POGK: variants seen among roughly 807,000 people sequenced by gnomAD.
POGK encodes the protein pogo transposable element with KRAB domain.
Under a neutral mutation model 54.4 loss-of-function variants are expected in POGK, and 16 were observed. The ratio of observed to expected loss-of-function variants is 0.29; its 90% CI spans 0.20 to 0.45. The LOEUF is 0.45. Ranked by LOEUF, POGK falls within the 20% of genes least tolerant of loss-of-function variation. The probability of loss-of-function intolerance (pLI) is 1.00; values close to 1 mark genes in which losing one functional copy is unlikely to be tolerated. For missense variants in POGK, 515 were observed against 795.6 expected (o/e 0.65, Z 4.24); for synonymous variants, 271 against 302.2 (o/e 0.90, Z 1.07).
In POGK at chr1:166,854,382, C is replaced by G. The variant is rs1230979805; in HGVS notation, c.*1812C>G. 6.6e-6 allele frequency: 1 copy of G among 152,542 alleles called. No homozygotes were observed. Among genetic ancestry groups the G allele is most frequent in the Non-Finnish European group, 1.5e-5 (1 of 68,028 alleles). The allele number at this position is 152,542 out of a possible 1,614,324, so 9.4% of individuals were successfully genotyped here. On this transcript the variant is annotated 3_prime_UTR_variant, in exon 6 of 6. Transcript: ENST00000367876. ...ACTATTTTGCAGAATGGCTGTTACC[C>G]TAGAATTACTATAGCACATATTGAG...
intron 2 of POGK, 130 bp from the exon 3 acceptor site, chr1:166,846,482 T>A: frequency 8.3e-7 from 1 of 1,211,276 alleles, no homozygotes. Context: ...CGTTTTCCCC[T>A]GGGTCAGGGT....
At chr1:166,841,334 T>A (rs985949661) in intron 2 of POGK, among the ~76,000 whole-genome samples, 3 of 152,244 alleles carry the variant, frequency 2.0e-5, no homozygotes, top group African/African-American at 7.2e-5. Flanking sequence ...AGCCAGGACC[T>A]TGTCTCTCTC....
intron 2 of POGK, among the ~76,000 whole-genome samples, chr1:166,844,815 T>C (rs1226325634): frequency 6.6e-6 from 1 of 151,806 alleles, no homozygotes; most frequent in Non-Finnish European, 1.5e-5. Context: ...GCCCCGGGAG[T>C]GTGGAGCCCA....
rs765504197 is a variant in POGK, at chr1:166,850,142, G to A, written c.1563G>A (p.Gln521=). Residue 521 remains glutamine, a synonymous_variant, in exon 5 of 6, where the codon CAG becomes CAA. Transcript: ENST00000367876. ...CACTGAATGACAGTGTGCGGGCCCA[G>A]TACTCCAACTGGCTTCTGGCTGGGA... is the stretch of plus-strand genomic sequence containing the variant. ...YKPLNDSVRA[Q]YSNWLLAGNL... 1.3e-6 allele frequency: 2 copies of A among 1,580,400 alleles called. No individual in the cohort carries two copies. The highest frequency in any genetic ancestry group is 8.6e-7 in the Non-Finnish European group (1 of 1,162,570).
At chr1:166,840,162 GA>G (rs1557896549) in intron 1 of POGK, 1 of 152,270 alleles carries the variant, frequency 6.6e-6, no homozygotes, top group Non-Finnish European at 1.5e-5. Context: ...CAGCCCTCAA[GA>G]TGCATCCGCA....
rs756278199 is a variant in POGK, at chr1:166,847,561, C to T, written c.327C>T (p.Asp109=). 4.2e-5 allele frequency: 67 copies of T among 1,613,748 alleles called. No homozygotes were observed. Among genetic ancestry groups the T allele is most frequent in the Middle Eastern group, 1.6e-4 (1 of 6,076 alleles). ...GGGAGGAGGAGTCTCAGAATTCTGA[C>T]GAGTGGCAGCTCCAAGGAGGCACCT... The part of the protein sequence containing the change: ...LEGEEESQNS[D]EWQLQGGTSA... Residue 109 remains aspartate (D), a synonymous_variant, in exon 4 of 6, where the codon GAC becomes GAT. Coordinates refer to ENST00000367876, the MANE Select transcript of POGK (RefSeq NM_017542.5).
At chr1:166,851,228 G>A (rs575122216) in intron 5 of POGK, 2 of 152,268 alleles carry the variant, frequency 1.3e-5, no homozygotes, top group South Asian at 2.1e-4. Context: ...TGTGACATAG[G>A]GAGAACACTA....
chr1:166,845,824 G>A (rs1265687598), intron 2 of POGK, among the ~76,000 whole-genome samples: 2 of 152,188 alleles, frequency 1.3e-5, no homozygotes, highest in African/African-American at 4.8e-5. Flanking sequence ...TTGGGCTACT[G>A]AGGAGCCCCC....
rs1350393517 is a variant in POGK at position 166,839,493 on chromosome 1, C to T, written c.-114C>T. 1.3e-5 allele frequency: 2 copies of T among 151,978 alleles called. No homozygotes were observed. Among genetic ancestry groups the T allele is most frequent in the Admixed American group, 6.5e-5 (1 of 15,274 alleles). 9.4% of individuals were successfully genotyped at this position (151,978 alleles called of 1,614,324 possible). A position where few individuals can be genotyped will look rare whatever the true frequency, so the allele number is the denominator to read the frequency against. ...TCCCACCACGTGTCCTCCCCGCTCC[C>T]TCCCGAGGGGCCGCGCGCACGGGAG... is the stretch of plus-strand genomic sequence containing the variant. On this transcript the variant is annotated 5_prime_UTR_variant, in exon 1 of 6. Coordinates refer to ENST00000367876, the MANE Select transcript of POGK (RefSeq NM_017542.5).
At chr1:166,848,829 T>C in intron 4 of POGK, 109 bp from the exon 5 acceptor site, 1 of 1,393,872 alleles carries the variant, frequency 7.2e-7, no homozygotes, top group Admixed American at 2.3e-5. Flanking sequence ...GTTACTACTT[T>C]TGGTGAACTT....
rs1208450933 is a variant in POGK at position 166,855,151 on chromosome 1, T to G, written c.*2581T>G. Reference sequence around the variant, plus strand: ...ACTTGTACCTCTGAACCTAAAATGTTTTTTTTTTAATTCAGAACAACAAAA... The same window carrying G: ...ACTTGTACCTCTGAACCTAAAATGTGTTTTTTTTAATTCAGAACAACAAAA... On this transcript the variant is annotated 3_prime_UTR_variant, in exon 6 of 6. Coordinates refer to ENST00000367876, the MANE Select transcript of POGK (RefSeq NM_017542.5). 6.6e-6 allele frequency: 1 copy of G among 151,540 alleles called. No homozygotes were observed. Among genetic ancestry groups the G allele is most frequent in the Non-Finnish European group, 1.5e-5 (1 of 67,840 alleles). 9.4% of individuals were successfully genotyped at this position (151,540 alleles called of 1,614,324 possible). A position where few individuals can be genotyped will look rare whatever the true frequency, so the allele number is the denominator to read the frequency against.
intron 2 of POGK, among the ~76,000 whole-genome samples, chr1:166,842,903 G>A (rs975024919): frequency 6.6e-6 from 1 of 152,052 alleles, no homozygotes; most frequent in Admixed American, 6.6e-5. Context: ...TGTCAGTTGT[G>A]CTGAGGTTGA....
At chr1:166,841,936 A>G (rs1657532136) in intron 2 of POGK, among the ~76,000 whole-genome samples, 12 of 152,082 alleles carry the variant, frequency 7.9e-5, no homozygotes, top group Admixed American at 7.9e-4. Flanking sequence ...TTGTTCTTCA[A>G]AACAGGTCTC....
rs187636380 is a variant in POGK, at chr1:166,854,063, T to G, written c.*1493T>G. On this transcript the variant is annotated 3_prime_UTR_variant, in exon 6 of 6. Transcript: ENST00000367876. ...TTTCATCTGTCCTAGTTACTGGCTCTTTCTTCATGTCTTATTTCTCTTGCT... is the reference window on the plus strand; with the variant it reads ...TTTCATCTGTCCTAGTTACTGGCTCGTTCTTCATGTCTTATTTCTCTTGCT... The G allele has an allele frequency of 8.5e-5, 13 of 152,464 alleles. No homozygotes were observed. The East Asian group carries it at 2.3e-3, about 27-fold the overall frequency. 9.4% of individuals were successfully genotyped at this position (152,464 alleles called of 1,614,324 possible).
intron 3 of POGK, 95 bp downstream of exon 3, chr1:166,846,833 C>G: frequency 1.3e-6 from 2 of 1,500,838 alleles, no homozygotes; most frequent in Non-Finnish European, 1.8e-6. Flanking sequence ...TCCCTCTCTC[C>G]TGAACTTAGA....
In POGK at chr1:166,849,780, A is replaced by G; in HGVS notation, c.1201A>G (p.Met401Val). 6.2e-7 allele frequency: 1 copy of G among 1,614,254 alleles called. No homozygotes were observed. The highest frequency in any genetic ancestry group is 8.5e-7 in the Non-Finnish European group (1 of 1,180,050). The change falls in exon 5 of 6, where the codon ATG (methionine) becomes GTG (valine). Residue 401 changes from methionine to valine, a missense_variant. Met to Val is a conservative substitution (Grantham distance 21). Around this residue, in one of 2 missense-constraint regions of POGK, gnomAD observed 461 missense variants for 743.5 expected, o/e 0.62. Coordinates refer to ENST00000367876, the MANE Select transcript of POGK (RefSeq NM_017542.5). ...CAGGGAAAAACTGAAAATCACAGCA[A>G]TGCTTGGTGTCTTGGCTGATGGGAG... ...PGREKLKITA[M>V]LGVLADGRKL...
At chr1:166,845,701 A>G (rs1330647856) in intron 2 of POGK, among the ~76,000 whole-genome samples, 1 of 152,240 alleles carries the variant, frequency 6.6e-6, no homozygotes, top group Non-Finnish European at 1.5e-5. Flanking sequence ...CAAGCCATCC[A>G]GTGCCTTCTT....
At chr1:166,852,532 A>C (rs1655505519) in intron 5 of POGK, 53 bp from the exon 6 acceptor site, 1 of 151,970 alleles carries the variant, frequency 6.6e-6, no homozygotes, top group Non-Finnish European at 1.5e-5. Context: ...GTTTGTTAAA[A>C]GTTATACCAA....
At chr1:166,844,818 G>A (rs911534997) in intron 2 of POGK, among the ~76,000 whole-genome samples, 1 of 152,172 alleles carries the variant, frequency 6.6e-6, no homozygotes, top group Non-Finnish European at 1.5e-5. Flanking sequence ...CCGGGAGTGT[G>A]GAGCCCAGGA....
Sources: allele counts gnomAD v4.1 joint callset (sites outside exome capture counted in the v4.1 genomes callset), GRCh38; gene constraint gnomAD v4.1.1; regional missense constraint gnomAD v4.1.1; transcripts MANE v1.5; gene names NCBI Gene and HGNC (gene_info 2026-07-23, HGNC 2026-07-21).